MAN1A2: variants seen among roughly 807,000 people sequenced by gnomAD.
MAN1A2 encodes mannosyl-oligosaccharide 1,2-alpha-mannosidase IB.
Under a neutral mutation model 75.7 loss-of-function variants are expected in MAN1A2, and 26 were observed. The ratio of observed to expected loss-of-function variants is 0.34; its 90% CI spans 0.25 to 0.48. MAN1A2 has a LOEUF of 0.48. MAN1A2 is among the 20% of genes least tolerant of loss of function. The pLI is 0.99. For missense variants in MAN1A2, 562 were observed against 775.5 expected (o/e 0.72, Z 3.27); for synonymous variants, 247 against 264.6 (o/e 0.93, Z 0.65).
At chr1:117,522,048 G>A (rs61807768) in intron 12 of MAN1A2, among the ~76,000 whole-genome samples, 17,083 of 151,742 alleles carry the variant, frequency 0.11, 1,056 homozygotes, top group Non-Finnish European at 0.14. Flanking sequence ...TGGGAGGGTG[G>A]CGAGGGATAA....
At chr1:117,414,980 G>A in intron 4 of MAN1A2, 149 bp downstream of exon 4, 1 of 524,620 alleles carries the variant, frequency 1.9e-6, no homozygotes, top group Non-Finnish European at 3.5e-6. Context: ...GGGGACTTTG[G>A]GAGGTGATTA....
chr1:117,454,829 G>T (rs111411833), intron 6 of MAN1A2, among the ~76,000 whole-genome samples: 2 of 152,156 alleles, frequency 1.3e-5, no homozygotes, highest in African/African-American at 4.8e-5. Context: ...GTATGGAGAC[G>T]TGAAGCCCTT....
chr1:117,502,767 G>A lies in MAN1A2; in HGVS notation c.1678-88G>A, dbSNP rs1271518831. On this transcript the variant is annotated intron_variant, in intron 11 of 12. Coordinates refer to ENST00000356554, the MANE Select transcript of MAN1A2 (RefSeq NM_006699.5). ...CAAATTTTCATACAAATCTTTATGA[G>A]CTTTTGACTATTGTCCTTCAAAGTT... is the stretch of plus-strand genomic sequence containing the variant. The A allele has an allele frequency of 7.3e-6, 5 of 688,940 alleles. No homozygotes were observed. In the East Asian group the frequency reaches 1.1e-4, roughly 15 times the overall value. 42.7% of individuals were successfully genotyped at this position (688,940 alleles called of 1,614,324 possible).
chr1:117,377,887 T>C (rs1653206485), intron 1 of MAN1A2, among the ~76,000 whole-genome samples: 1 of 151,970 alleles, frequency 6.6e-6, no homozygotes. Flanking sequence ...GATCACGAGG[T>C]CAGGTGATTG....
In MAN1A2 at chr1:117,525,738, T is replaced by TATC. The variant is rs1324687546; in HGVS notation, c.*2783_*2784insCAT. 6.6e-6 allele frequency: 1 copy of TATC among 151,746 alleles called. No individual in the cohort carries two copies. The highest frequency in any genetic ancestry group is 2.4e-5 in the African/African-American group (1 of 41,370). 9.4% of individuals were successfully genotyped at this position (151,746 alleles called of 1,614,324 possible). ...CACTTTTTATGTTAAACCAGATTAT[T>TATC]ATTATTATTATTATTCAACCAGTAT... On this transcript the variant is annotated 3_prime_UTR_variant, in exon 13 of 13. Transcript: ENST00000356554.
intron 1 of MAN1A2, among the ~76,000 whole-genome samples, chr1:117,369,383 A>G (rs1240080704): frequency 1.3e-5 from 2 of 152,182 alleles, no homozygotes; most frequent in Admixed American, 6.5e-5. Context: ...TAAACCTGCC[A>G]TCTTTTCCTT....
At chr1:117,485,470 T>A (rs1315412430) in intron 8 of MAN1A2, among the ~76,000 whole-genome samples, 1 of 151,860 alleles carries the variant, frequency 6.6e-6, no homozygotes, top group African/African-American at 2.4e-5. Context: ...GAGGTAATAA[T>A]GGACAAGATA....
chr1:117,416,924 T>C (rs1648011909), intron 4 of MAN1A2, among the ~76,000 whole-genome samples: 1 of 152,160 alleles, frequency 6.6e-6, no homozygotes, highest in African/African-American at 2.4e-5. Flanking sequence ...TGTGTGTCTG[T>C]ATGTGTGATA....
At chr1:117,446,480 AT>A (rs1013058364) in intron 6 of MAN1A2, among the ~76,000 whole-genome samples, 128 of 151,774 alleles carry the variant, frequency 8.4e-4, no homozygotes, top group Middle Eastern at 3.4e-3. Flanking sequence ...AGAAATTTTG[AT>A]TTTTTTTGTT....
At chr1:117,462,670 G>A (rs1315355435) in intron 7 of MAN1A2, among the ~76,000 whole-genome samples, 1 of 152,132 alleles carries the variant, frequency 6.6e-6, no homozygotes, top group Non-Finnish European at 1.5e-5. Flanking sequence ...ATTGGTGATG[G>A]CAGTAGATAA....
chr1:117,385,791 G>T (rs1653503916), intron 1 of MAN1A2, among the ~76,000 whole-genome samples: 2 of 152,172 alleles, frequency 1.3e-5, no homozygotes, highest in Admixed American at 1.3e-4. Flanking sequence ...TTATTGGAAG[G>T]TTATTAGGTT....
intron 1 of MAN1A2, among the ~76,000 whole-genome samples, chr1:117,398,758 T>G (rs1647300318): frequency 1.3e-5 from 2 of 151,804 alleles, no homozygotes; most frequent in African/African-American, 4.8e-5. Flanking sequence ...GCTTGAGAGA[T>G]AGATAGAAGC....
At chr1:117,410,515 A>C (rs971767253) in intron 3 of MAN1A2, among the ~76,000 whole-genome samples, 1 of 151,730 alleles carries the variant, frequency 6.6e-6, no homozygotes, top group African/African-American at 2.4e-5. Flanking sequence ...GAAAGACTAT[A>C]TGCTTTCCCC....
At chr1:117,482,743 A>G (rs1650540126) in intron 8 of MAN1A2, among the ~76,000 whole-genome samples, 1 of 152,062 alleles carries the variant, frequency 6.6e-6, no homozygotes, top group Non-Finnish European at 1.5e-5. Flanking sequence ...TCTTTAGTTT[A>G]ATTAGATCCC....
At chr1:117,467,665 A>C (rs555755640) in intron 8 of MAN1A2, among the ~76,000 whole-genome samples, 1 of 152,120 alleles carries the variant, frequency 6.6e-6, no homozygotes, top group Non-Finnish European at 1.5e-5. Context: ...TGAGAGCTGC[A>C]TTTCTAAAAT....
Position 117,527,296 on chromosome 1 carries a change from C to G in MAN1A2, c.*4339C>G, listed in dbSNP as rs765313370. 6.6e-6 allele frequency: 1 copy of G among 151,800 alleles called. No homozygotes were observed. Among genetic ancestry groups the G allele is most frequent in the Middle Eastern group, 3.2e-3 (1 of 316 alleles). 9.4% of individuals were successfully genotyped at this position (151,800 alleles called of 1,614,324 possible). A position where few individuals can be genotyped will look rare whatever the true frequency, so the allele number is the denominator to read the frequency against. On this transcript the variant is annotated 3_prime_UTR_variant, in exon 13 of 13. Coordinates refer to ENST00000356554, the MANE Select transcript of MAN1A2 (RefSeq NM_006699.5). Reference sequence around the variant, plus strand: ...GATACTATGTAAAGAATGGGCGTAGCTATGTTCCAGGAAAACTTTATTTAC... The same window carrying G: ...GATACTATGTAAAGAATGGGCGTAGGTATGTTCCAGGAAAACTTTATTTAC...
intron 3 of MAN1A2, among the ~76,000 whole-genome samples, chr1:117,410,649 A>G (rs1647781688): frequency 2.0e-5 from 3 of 151,666 alleles, no homozygotes; most frequent in Non-Finnish European, 3.0e-5. Context: ...TAAAGATTGG[A>G]AATGAAGAAG....
chr1:117,433,905 A>G (rs1248247888), intron 5 of MAN1A2, among the ~76,000 whole-genome samples: 1 of 152,170 alleles, frequency 6.6e-6, no homozygotes, highest in Non-Finnish European at 1.5e-5. Flanking sequence ...TACCTGAGTA[A>G]CAAGAAAGGC....
chr1:117,379,379 T>C (rs10923278), intron 1 of MAN1A2, among the ~76,000 whole-genome samples: 18,857 of 152,192 alleles, frequency 0.12, 1,230 homozygotes, highest in Non-Finnish European at 0.14. Flanking sequence ...CCTTTAGATA[T>C]ATCTTGACAT....
Sources: allele counts gnomAD v4.1 joint callset (sites outside exome capture counted in the v4.1 genomes callset), GRCh38; gene constraint gnomAD v4.1.1; transcripts MANE v1.5; gene names NCBI Gene and HGNC (gene_info 2026-07-23, HGNC 2026-07-21).